ZCCHC7: variants seen among roughly 807,000 people sequenced by gnomAD.
The protein encoded by ZCCHC7 is zinc finger CCHC domain-containing protein 7.
Under a neutral mutation model 52.0 loss-of-function variants are expected in ZCCHC7, and 35 were observed. That is an observed-to-expected ratio of 0.67 (90% CI 0.51 to 0.89). The LOEUF (loss-of-function observed/expected upper bound fraction) is 0.89. ZCCHC7 is among the 40% of genes least tolerant of loss of function. ZCCHC7 has a pLI of 0.00. For synonymous variants in ZCCHC7, 217 were observed against 221.5 expected (o/e 0.98, Z 0.18); for missense variants, 574 against 649.1 (o/e 0.88, Z 1.26).
At chr9:37,177,149 G>C (rs537970344) in intron 2 of ZCCHC7, among the ~76,000 whole-genome samples, 1 of 152,122 alleles carries the variant, frequency 6.6e-6, no homozygotes, top group South Asian at 2.1e-4. Flanking sequence ...AGACGAGCCT[G>C]GCCAACGCAG....
At chr9:37,193,513 G>A (rs1823125129) in intron 2 of ZCCHC7, among the ~76,000 whole-genome samples, 1 of 151,812 alleles carries the variant, frequency 6.6e-6, no homozygotes, top group South Asian at 2.1e-4. Flanking sequence ...AAAATTGTTA[G>A]TTTAGATGAT....
chr9:37,197,344 A>G (rs1823343752), intron 2 of ZCCHC7, among the ~76,000 whole-genome samples: 1 of 152,230 alleles, frequency 6.6e-6, no homozygotes, highest in South Asian at 2.1e-4. Context: ...AGGAGGGAAT[A>G]ATATAAACAT....
At chr9:37,344,323 C>T (rs1460496371) in intron 6 of ZCCHC7, among the ~76,000 whole-genome samples, 2 of 152,128 alleles carry the variant, frequency 1.3e-5, no homozygotes, top group Non-Finnish European at 2.9e-5. Flanking sequence ...GATCACCTAC[C>T]ATTAGCTTCA....
chr9:37,345,737 T>G (rs554414432), intron 6 of ZCCHC7, among the ~76,000 whole-genome samples: 88 of 150,052 alleles, frequency 5.9e-4, no homozygotes, highest in African/African-American at 2.1e-3. Context: ...AAAAAAAAAC[T>G]CTTGTTTAAT....
intron 2 of ZCCHC7, among the ~76,000 whole-genome samples, chr9:37,173,260 CAT>C (rs779515211): frequency 1.2e-4 from 18 of 152,216 alleles, no homozygotes; most frequent in Non-Finnish European, 2.2e-4. Context: ...GAAGATTTAA[CAT>C]GTTTTTTCTG....
At chr9:37,228,193 G>T (rs538105743) in intron 2 of ZCCHC7, among the ~76,000 whole-genome samples, 1 of 152,028 alleles carries the variant, frequency 6.6e-6, no homozygotes, top group Non-Finnish European at 1.5e-5. Flanking sequence ...CAAAACTAAT[G>T]ACAAATCAGA....
At chr9:37,130,040 A>G (rs1175473872) in intron 2 of ZCCHC7, among the ~76,000 whole-genome samples, 1 of 152,104 alleles carries the variant, frequency 6.6e-6, no homozygotes, top group Non-Finnish European at 1.5e-5. Flanking sequence ...GGAGTTCGAG[A>G]CCAGCCTGGC....
chr9:37,219,644 G>T (rs1216436950), intron 2 of ZCCHC7, among the ~76,000 whole-genome samples: 10 of 152,146 alleles, frequency 6.6e-5, no homozygotes, highest in African/African-American at 2.2e-4. Flanking sequence ...AATAGGAAAT[G>T]GTTCATAGCC....
At chr9:37,307,245 C>A (rs527893399) in intron 5 of ZCCHC7, among the ~76,000 whole-genome samples, 38 of 152,180 alleles carry the variant, frequency 2.5e-4, no homozygotes, top group African/African-American at 8.2e-4. Context: ...ATTTCAAAGA[C>A]CAGAGGGCTG....
At chr9:37,152,445 T>C (rs1820583189) in intron 2 of ZCCHC7, among the ~76,000 whole-genome samples, 1 of 152,230 alleles carries the variant, frequency 6.6e-6, no homozygotes, top group Admixed American at 6.5e-5. Context: ...TTTTACCTAA[T>C]GTTCTTTTTC....
chr9:37,222,462 T>C (rs1293892901), intron 2 of ZCCHC7, among the ~76,000 whole-genome samples: 2 of 151,646 alleles, frequency 1.3e-5, no homozygotes, highest in Non-Finnish European at 2.9e-5. Context: ...GTAAGTGATA[T>C]TGGAGAAAAG....
chr9:37,262,636 T>A (rs772752795), intron 2 of ZCCHC7, among the ~76,000 whole-genome samples: 1 of 152,202 alleles, frequency 6.6e-6, no homozygotes, highest in Non-Finnish European at 1.5e-5. Flanking sequence ...GAACTCCCGG[T>A]GGATACCAGG....
At chr9:37,171,370 A>C (rs886846821) in intron 2 of ZCCHC7, among the ~76,000 whole-genome samples, 1 of 152,190 alleles carries the variant, frequency 6.6e-6, no homozygotes, top group Admixed American at 6.5e-5. Context: ...ATGTTCTGTC[A>C]GTTTCATTAA....
intron 2 of ZCCHC7, among the ~76,000 whole-genome samples, chr9:37,196,192 C>G (rs1823276592): frequency 1.3e-5 from 2 of 152,102 alleles, no homozygotes; most frequent in Non-Finnish European, 1.5e-5. Context: ...ACACTCAAAC[C>G]TCTGCCTTTT....
chr9:37,346,630 G>A (rs1820991361), intron 6 of ZCCHC7, among the ~76,000 whole-genome samples: 1 of 152,150 alleles, frequency 6.6e-6, no homozygotes, highest in African/African-American at 2.4e-5. Flanking sequence ...AGCTGAGATT[G>A]TGCTGCTGCA....
At chr9:37,266,615 T>G (rs1469327765) in intron 2 of ZCCHC7, among the ~76,000 whole-genome samples, 1 of 152,178 alleles carries the variant, frequency 6.6e-6, no homozygotes, top group Non-Finnish European at 1.5e-5. Context: ...GGCTCATGCT[T>G]GTAATCCCAG....
chr9:37,273,258 C>T (rs936437123), intron 2 of ZCCHC7, among the ~76,000 whole-genome samples: 2 of 152,118 alleles, frequency 1.3e-5, no homozygotes, highest in Non-Finnish European at 2.9e-5. Context: ...AATCCCAGCA[C>T]TTTGGGAGGC....
At chr9:37,122,728 A>T (rs1842367484) in intron 1 of ZCCHC7, among the ~76,000 whole-genome samples, 1 of 152,256 alleles carries the variant, frequency 6.6e-6, no homozygotes, top group Non-Finnish European at 1.5e-5. Flanking sequence ...TCACGAGGTC[A>T]GGAGTTCGAG....
rs567197321 is a variant in ZCCHC7 at position 37,259,969 on chromosome 9, A to G, written c.611-42219A>G. Among the ~76,000 whole-genome samples, 3 of 152,314 alleles carry G rather than the reference A, an allele frequency of 2.0e-5. No homozygotes were observed. In the South Asian group the frequency reaches 6.2e-4, roughly 32 times the overall value. On this transcript the variant is annotated intron_variant, in intron 2 of 8. Transcript: ENST00000336755. ...ACCAAATGTGACAATCTTTATATTC[A>G]ATTTCTCTTTCTAAAGCTATTGCTA...
Sources: allele counts gnomAD v4.1 joint callset (sites outside exome capture counted in the v4.1 genomes callset), GRCh38; gene constraint gnomAD v4.1.1; transcripts MANE v1.5; gene names NCBI Gene and HGNC (gene_info 2026-07-23, HGNC 2026-07-21).